The following ZFPM2 variants were observed in gnomAD, a reference collection of about 807,000 sequenced individuals.
The protein encoded by ZFPM2 is zinc finger protein, FOG family member 2.
Under a neutral mutation model 98.6 loss-of-function variants are expected in ZFPM2, and 20 were observed. The ratio of observed to expected loss-of-function variants is 0.20; its 90% confidence interval spans 0.14 to 0.29. The LOEUF (loss-of-function observed/expected upper bound fraction) is 0.29. Among genes scored for constraint, ZFPM2 ranks in the 10% least tolerant of loss-of-function variants. The pLI, the probability that ZFPM2 is intolerant of heterozygous loss-of-function variation, is 1.00. For synonymous variants in ZFPM2, 518 were observed against 502.7 expected (o/e 1.03, Z -0.41); for missense variants, 1,310 against 1,388.6 (o/e 0.94, Z 0.90).
chr8:105,784,676 A>G (rs1204854421), intron 5 of ZFPM2: 1 of 145,828 alleles, frequency 6.9e-6, no homozygotes, highest in Non-Finnish European at 1.5e-5. Flanking sequence ...CAGCACTATC[A>G]TCTTCTGCAT....
At chr8:105,321,130 G>T (rs1486122400) in intron 1 of ZFPM2, among the ~76,000 whole-genome samples, 1 of 152,034 alleles carries the variant, frequency 6.6e-6, no homozygotes, top group Non-Finnish European at 1.5e-5. Flanking sequence ...GCTTTTTTAG[G>T]GGGTGGGGGA....
chr8:105,342,425 T>G (rs1052139413), intron 1 of ZFPM2, among the ~76,000 whole-genome samples: 1 of 152,044 alleles, frequency 6.6e-6, no homozygotes, highest in Non-Finnish European at 1.5e-5. Context: ...AGGGCACAAC[T>G]GAGCACAAAC....
chr8:105,797,058 C>G (rs1242771073), intron 6 of ZFPM2: 1 of 152,218 alleles, frequency 6.6e-6, no homozygotes, highest in Non-Finnish European at 1.5e-5. Flanking sequence ...AATCACCAAG[C>G]ATTGTTCATG....
intron 5 of ZFPM2, among the ~76,000 whole-genome samples, chr8:105,702,510 A>T (rs1811161532): frequency 6.6e-6 from 1 of 152,192 alleles, no homozygotes; most frequent in Non-Finnish European, 1.5e-5. Context: ...TCAGTGCAAA[A>T]TGTTTGGTTG....
intron 5 of ZFPM2, among the ~76,000 whole-genome samples, chr8:105,751,262 A>G (rs2131052877): frequency 6.6e-6 from 1 of 152,258 alleles, no homozygotes; most frequent in East Asian, 1.9e-4. Context: ...TGGCCAGGAA[A>G]AGATTAAATG....
At chr8:105,617,893 C>T (rs924942780) in intron 4 of ZFPM2, among the ~76,000 whole-genome samples, 3 of 152,072 alleles carry the variant, frequency 2.0e-5, no homozygotes, top group African/African-American at 4.8e-5. Context: ...AAAAAGTATT[C>T]GCTGTTTTTC....
chr8:105,505,002 C>A (rs1373760284), intron 3 of ZFPM2, among the ~76,000 whole-genome samples: 1 of 151,990 alleles, frequency 6.6e-6, no homozygotes, highest in East Asian at 1.9e-4. Context: ...TGACTATTCA[C>A]AAAAATGTCA....
At chr8:105,334,542 G>A (rs1352696908) in intron 1 of ZFPM2, among the ~76,000 whole-genome samples, 2 of 151,416 alleles carry the variant, frequency 1.3e-5, no homozygotes, top group Non-Finnish European at 3.0e-5. Context: ...ATAGGTCATG[G>A]GTGTATTATT....
At chr8:105,426,213 T>G (rs1811905586) in intron 2 of ZFPM2, among the ~76,000 whole-genome samples, 1 of 152,222 alleles carries the variant, frequency 6.6e-6, no homozygotes, top group South Asian at 2.1e-4. Context: ...GCTCTTTAAA[T>G]TCTTGCATAT....
At chr8:105,619,736 G>C (rs1182916747) in intron 4 of ZFPM2, among the ~76,000 whole-genome samples, 1 of 143,204 alleles carries the variant, frequency 7.0e-6, no homozygotes, top group Non-Finnish European at 1.5e-5. Flanking sequence ...CAGTGTCCAA[G>C]TGTTCTTGTT....
At chr8:105,679,610 A>G (rs534894746) in intron 5 of ZFPM2, among the ~76,000 whole-genome samples, 6 of 152,026 alleles carry the variant, frequency 3.9e-5, no homozygotes, top group East Asian at 1.9e-4. Context: ...TCTGAGCAAC[A>G]TGGCAAAACT....
At chr8:105,319,045 G>C (rs1042329394) in intron 1 of ZFPM2, 64 bp downstream of exon 1, 19 of 1,454,534 alleles carry the variant, frequency 1.3e-5, no homozygotes, top group African/African-American at 2.9e-5. Context: ...TGCGCGGGAC[G>C]GGAAAGCGGT....
At chr8:105,750,615 T>G (rs552275466) in intron 5 of ZFPM2, among the ~76,000 whole-genome samples, 5 of 152,184 alleles carry the variant, frequency 3.3e-5, no homozygotes, top group Middle Eastern at 3.4e-3. Flanking sequence ...ATCAGAGATT[T>G]TACTCCATGT....
At chr8:105,613,446 G>T (rs1478146960) in intron 4 of ZFPM2, among the ~76,000 whole-genome samples, 1 of 152,086 alleles carries the variant, frequency 6.6e-6, no homozygotes, top group East Asian at 1.9e-4. Context: ...AATTTTAGGT[G>T]AAGAAAATAA....
At chr8:105,334,107 CTAG>C (rs1812282575) in intron 1 of ZFPM2, among the ~76,000 whole-genome samples, 1 of 131,788 alleles carries the variant, frequency 7.6e-6, no homozygotes, top group Non-Finnish European at 1.5e-5. Context: ...GCCATTACTG[CTAG>C]TAATAAACTG....
chr8:105,747,374 T>A lies in ZFPM2; in HGVS notation c.533-41344T>A, dbSNP rs979759736. Among the ~76,000 whole-genome samples the A allele has an allele frequency of 2.0e-5, 3 of 152,180 alleles. No individual in the cohort carries two copies. In the East Asian group the frequency reaches 5.8e-4, roughly 30 times the overall value. The stretch of plus-strand genomic sequence containing the variant: ...TTGGTCCTCTTTTGTAAGACCTGAG[T>A]GTAAAGAATAAAGACAGCATTTTCC... On this transcript the variant is annotated intron_variant, in intron 5 of 7. Coordinates refer to ENST00000407775, the MANE Select transcript of ZFPM2 (RefSeq NM_012082.4).
chr8:105,448,195 T>C (rs1297668503), intron 3 of ZFPM2, among the ~76,000 whole-genome samples: 9 of 151,954 alleles, frequency 5.9e-5, no homozygotes, highest in Non-Finnish European at 1.3e-4. Flanking sequence ...AATGTAATTG[T>C]TCTTTCTTCC....
At chr8:105,683,845 A>G (rs1389284596) in intron 5 of ZFPM2, among the ~76,000 whole-genome samples, 1 of 152,158 alleles carries the variant, frequency 6.6e-6, no homozygotes, top group African/African-American at 2.4e-5. Context: ...TCGTGTGTTT[A>G]GCACTAGAAT....
At chr8:105,506,807 G>A (rs932233425) in intron 3 of ZFPM2, among the ~76,000 whole-genome samples, 2 of 151,978 alleles carry the variant, frequency 1.3e-5, no homozygotes. Context: ...CTAACACGGT[G>A]AAACCCCGTC....
Sources: gnomAD v4.1 joint callset for allele counts (sites outside exome capture counted in the v4.1 genomes callset) on GRCh38, gnomAD v4.1.1 for gene constraint, MANE v1.5 for transcripts, NCBI Gene and HGNC (gene_info 2026-07-23, HGNC 2026-07-21) for gene names.